CNTNAP3B: variants seen among roughly 807,000 people sequenced by gnomAD.
CNTNAP3B encodes contactin associated protein family member 3B.
CNTNAP3B carries 25 observed loss-of-function variants against 108.9 expected under a neutral mutation model. That is an observed-to-expected ratio of 0.23 (90% CI 0.17 to 0.32). CNTNAP3B has a LOEUF of 0.32. CNTNAP3B is among the 10% of genes least tolerant of loss of function. The pLI is 1.00. For synonymous variants in CNTNAP3B, 103 were observed against 473.4 expected, an observed-to-expected ratio of 0.22 and a Z score of 10.16; for missense variants, 252 against 1,210.4, an observed-to-expected ratio of 0.21 and a Z score of 11.75.
At chr9:41,925,143 G>A (rs1202045653) in intron 15 of CNTNAP3B, among the ~76,000 whole-genome samples, 2 of 151,120 alleles carry the variant, frequency 1.3e-5, no homozygotes, top group Non-Finnish European at 2.9e-5. Flanking sequence ...TAAGGTTACA[G>A]AAACACAACT....
At chr9:42,115,311 C>T (rs113595140) in intron 1 of CNTNAP3B, among the ~76,000 whole-genome samples, 42,089 of 130,322 alleles carry the variant, frequency 0.32, 10,722 homozygotes, top group South Asian at 0.42. Context: ...CCAGCATGAA[C>T]GACGCAGAAG....
At chr9:42,095,179 C>T (rs1269187399) in intron 2 of CNTNAP3B, among the ~76,000 whole-genome samples, 1 of 138,552 alleles carries the variant, frequency 7.2e-6, no homozygotes, top group Non-Finnish European at 1.5e-5. Flanking sequence ...TCCCTATCCA[C>T]CTTCTCCTCT....
chr9:42,103,715 A>G, intron 2 of CNTNAP3B, among the ~76,000 whole-genome samples: 1 of 86,834 alleles, frequency 1.2e-5, no homozygotes, highest in East Asian at 5.1e-4. Flanking sequence ...AGCCTGGGTG[A>G]CAGAGCGAGA....
intron 2 of CNTNAP3B, among the ~76,000 whole-genome samples, chr9:42,095,633 C>T (rs1827883500): frequency 7.2e-6 from 1 of 138,024 alleles, no homozygotes; most frequent in South Asian, 2.3e-4. Flanking sequence ...TTCATTTCTC[C>T]ATAACCCAGA....
At chr9:41,950,620 AACTC>A (rs1170986650) in intron 13 of CNTNAP3B, among the ~76,000 whole-genome samples, 1 of 149,432 alleles carries the variant, frequency 6.7e-6, no homozygotes, top group Non-Finnish European at 1.5e-5. Flanking sequence ...GAGTGAAAAA[AACTC>A]AACCACAAAG....
At chr9:42,064,699 T>C (rs1324278364) in intron 3 of CNTNAP3B, among the ~76,000 whole-genome samples, 1 of 131,192 alleles carries the variant, frequency 7.6e-6, no homozygotes, top group African/African-American at 3.1e-5. Flanking sequence ...AGTGCAAACA[T>C]GCAGTATTTG....
intron 10 of CNTNAP3B, among the ~76,000 whole-genome samples, chr9:41,966,239 T>C (rs1190196688): frequency 6.6e-6 from 1 of 152,292 alleles, no homozygotes; most frequent in African/African-American, 2.4e-5. Context: ...AGATCATACC[T>C]GACTTGAAGA....
intron 3 of CNTNAP3B, among the ~76,000 whole-genome samples, chr9:42,062,286 C>G (rs1341233087): frequency 2.8e-5 from 1 of 35,342 alleles, no homozygotes; most frequent in African/African-American, 1.1e-4. Context: ...CCTCATGATC[C>G]ACCCACCTCG....
intron 12 of CNTNAP3B, among the ~76,000 whole-genome samples, chr9:41,954,592 A>G (rs1824798799): frequency 6.6e-6 from 1 of 152,296 alleles, no homozygotes. Context: ...CACTGTACTC[A>G]CCAAAGGAGG....
intron 2 of CNTNAP3B, among the ~76,000 whole-genome samples, chr9:42,094,360 C>T (rs1308194464): frequency 7.8e-6 from 1 of 128,458 alleles, no homozygotes; most frequent in Non-Finnish European, 1.6e-5. Context: ...AAAAAAAAAA[C>T]AAAGAGGGCG....
intron 18 of CNTNAP3B, among the ~76,000 whole-genome samples, chr9:41,917,920 G>A (rs1823561905): frequency 6.6e-6 from 1 of 152,296 alleles, no homozygotes; most frequent in African/African-American, 2.4e-5. Context: ...GGGATGGGGA[G>A]GTGCAGGGAG....
At chr9:42,127,816 G>T (rs1208945843) in intron 1 of CNTNAP3B, among the ~76,000 whole-genome samples, 1 of 139,248 alleles carries the variant, frequency 7.2e-6, no homozygotes, top group African/African-American at 2.9e-5. Context: ...CCATGTGCGT[G>T]CCCTGTGTGT....
intron 13 of CNTNAP3B, among the ~76,000 whole-genome samples, chr9:41,940,064 A>G (rs1281836067): frequency 6.6e-6 from 1 of 152,302 alleles, no homozygotes; most frequent in Non-Finnish European, 1.5e-5. Context: ...AATAGGCTTT[A>G]TCTAACCTGA....
intron 11 of CNTNAP3B, 149 bp downstream of exon 11, chr9:41,964,389 T>C (rs573312249): frequency 7.1e-7 from 1 of 1,418,298 alleles, no homozygotes; most frequent in Non-Finnish European, 9.3e-7. Context: ...TTAAATAAGG[T>C]GGATTAAAAG....
At chr9:42,071,940 A>C (rs1341519275) in intron 3 of CNTNAP3B, among the ~76,000 whole-genome samples, 1 of 150,828 alleles carries the variant, frequency 6.6e-6, no homozygotes, top group Admixed American at 6.6e-5. Context: ...GGATATGGAG[A>C]TAATAAACTT....
chr9:42,028,878 C>T (rs1421947340), intron 3 of CNTNAP3B, among the ~76,000 whole-genome samples: 2 of 151,820 alleles, frequency 1.3e-5, no homozygotes, highest in Non-Finnish European at 2.9e-5. Flanking sequence ...CTAACCTCCA[C>T]CAAATTGTGT....
chr9:42,116,609 C>T (rs1828323318), intron 1 of CNTNAP3B, among the ~76,000 whole-genome samples: 1 of 139,518 alleles, frequency 7.2e-6, no homozygotes, highest in Non-Finnish European at 1.5e-5. Context: ...GAAGAAACTG[C>T]ATCAACTAAT....
intron 1 of CNTNAP3B, among the ~76,000 whole-genome samples, chr9:42,115,860 A>G (rs563110552): frequency 8.1e-6 from 1 of 123,662 alleles, no homozygotes; most frequent in Non-Finnish European, 1.7e-5. Flanking sequence ...AGCTGGATGG[A>G]GAATGACTTT....
rs768590624 is a variant in CNTNAP3B at position 41,929,323 on chromosome 9, C to T, written c.2359G>A (p.Gly787Arg). ...TTTTCTTGACACTACTTACTATCTC[C>T]GCGGCAGAGCAGTGGCCCCAGTGTA... is the stretch of plus-strand genomic sequence containing the variant. ...DYTLGPLLCR[G>R]DKSFWNSASF... is the part of the protein sequence containing the mutation. The change falls in exon 15 of 24, where the codon GGA becomes AGA. Residue 787 changes from glycine (G) to arginine (R), a missense_variant. By Grantham distance (125) the Gly-to-Arg change is moderately radical (BLOSUM62 -2). Transcript: ENST00000377561. The T allele has an allele frequency of 4.9e-5, 76 of 1,540,090 alleles. 5 individuals carry two copies. Among genetic ancestry groups the T allele is most frequent in the Admixed American group, 4.2e-4 (23 of 54,848 alleles).
Sources: gnomAD v4.1 joint callset for allele counts (sites outside exome capture counted in the v4.1 genomes callset) on GRCh38, gnomAD v4.1.1 for gene constraint, MANE v1.5 for transcripts, NCBI Gene and HGNC (gene_info 2026-07-23, HGNC 2026-07-21) for gene names.